Variants in ROBO1 observed in about 807,000 individuals in gnomAD.
The protein encoded by ROBO1 is roundabout guidance receptor 1, also known as roundabout homolog 1.
ROBO1 carries 149 observed loss-of-function variants against 195.9 expected under a neutral mutation model. The ratio of observed to expected loss-of-function variants is 0.76; its 90% CI spans 0.67 to 0.87. The LOEUF (loss-of-function observed/expected upper bound fraction) is 0.87. Ranked by LOEUF, ROBO1 falls within the 40% of genes least tolerant of loss-of-function variation. The pLI is 0.00. For missense variants in ROBO1, 1,933 were observed against 2,068.3 expected, an observed-to-expected ratio of 0.93 and a Z score of 1.27; for synonymous variants, 816 against 733.2, an observed-to-expected ratio of 1.11 and a Z score of -1.82.
intron 2 of ROBO1, among the ~76,000 whole-genome samples, chr3:79,568,369 G>A (rs77002932): frequency 0.022 from 3,293 of 150,906 alleles, 64 homozygotes; most frequent in Non-Finnish European, 0.034. Flanking sequence ...CTCCATATTC[G>A]AATCTTCAAA....
At chr3:78,975,371 C>A (rs1469215087) in intron 3 of ROBO1, among the ~76,000 whole-genome samples, 2 of 152,036 alleles carry the variant, frequency 1.3e-5, no homozygotes, top group African/African-American at 4.8e-5. Context: ...ACTTTGGTAA[C>A]AATTTTATCA....
rs958642337 is a variant in ROBO1, at chr3:79,146,483, AATAT to A, written c.89-20948_89-20945del. 2.6e-5 allele frequency among the ~76,000 whole-genome samples: 4 copies of A among 151,936 alleles called. No individual in the cohort carries two copies. In the South Asian group the frequency reaches 8.3e-4, roughly 32 times the overall value. On this transcript the variant is annotated intron_variant, in intron 2 of 30. Transcript: ENST00000464233. ...ATAGTGTGACAGATATAGATCATAG[AATAT>A]ATATATATCTCTAATGTGTATGTAT...
At chr3:78,848,355 G>C (rs954538201) in intron 4 of ROBO1, among the ~76,000 whole-genome samples, 2 of 152,244 alleles carry the variant, frequency 1.3e-5, no homozygotes, top group Middle Eastern at 6.8e-3. Flanking sequence ...TTTTCATTCA[G>C]TCAATCATTC....
chr3:78,641,359 A>G (rs1285824838), intron 21 of ROBO1, among the ~76,000 whole-genome samples: 1 of 152,190 alleles, frequency 6.6e-6, no homozygotes, highest in Admixed American at 6.6e-5. Flanking sequence ...AGAGTACTAA[A>G]AGTTCCTAAA....
intron 2 of ROBO1, among the ~76,000 whole-genome samples, chr3:79,246,064 T>C (rs2082619237): frequency 6.6e-6 from 1 of 152,144 alleles, no homozygotes; most frequent in Non-Finnish European, 1.5e-5. Context: ...GTCCATTCAC[T>C]GTACTCCTTT....
At chr3:78,955,225 T>C (rs1249120412) in intron 3 of ROBO1, among the ~76,000 whole-genome samples, 1 of 149,772 alleles carries the variant, frequency 6.7e-6, no homozygotes, top group South Asian at 2.1e-4. Flanking sequence ...GTCATGGGGG[T>C]TATACAGGTA....
At chr3:78,894,867 C>CT (rs2037137292) in intron 4 of ROBO1, among the ~76,000 whole-genome samples, 1 of 152,188 alleles carries the variant, frequency 6.6e-6, no homozygotes, top group Admixed American at 6.5e-5. Flanking sequence ...GAGGTCCCTG[C>CT]TAAGGCTAGA....
intron 2 of ROBO1, among the ~76,000 whole-genome samples, chr3:79,361,378 A>G (rs940556370): frequency 1.3e-5 from 2 of 152,086 alleles, no homozygotes; most frequent in African/African-American, 2.4e-5. Flanking sequence ...GAGATTTGTC[A>G]TAGGTAGCAA....
At chr3:79,567,970 T>C (rs1943144848) in intron 2 of ROBO1, among the ~76,000 whole-genome samples, 1 of 152,160 alleles carries the variant, frequency 6.6e-6, no homozygotes. Flanking sequence ...TTCTTAGATA[T>C]GTTTTCTAAA....
chr3:79,361,147 T>A (rs2035752996), intron 2 of ROBO1, among the ~76,000 whole-genome samples: 2 of 152,108 alleles, frequency 1.3e-5, no homozygotes, highest in Admixed American at 6.5e-5. Flanking sequence ...CACAGAAAGA[T>A]AAATGATAGT....
At chr3:79,639,724 T>C (rs1243158813) in intron 1 of ROBO1, among the ~76,000 whole-genome samples, 2 of 152,210 alleles carry the variant, frequency 1.3e-5, no homozygotes, top group Admixed American at 6.5e-5. Flanking sequence ...CATTCTATGA[T>C]ATTTATCAAC....
intron 2 of ROBO1, among the ~76,000 whole-genome samples, chr3:79,556,775 A>G (rs902756572): frequency 2.0e-5 from 3 of 151,958 alleles, no homozygotes; most frequent in Non-Finnish European, 4.4e-5. Flanking sequence ...CAGATTATTC[A>G]TATTTTAATG....
At chr3:79,312,682 A>C (rs2033542534) in intron 2 of ROBO1, among the ~76,000 whole-genome samples, 1 of 152,160 alleles carries the variant, frequency 6.6e-6, no homozygotes, top group Admixed American at 6.5e-5. Flanking sequence ...ATTTAGATTC[A>C]TGTTGATTCA....
At chr3:79,537,070 C>A (rs115964884) in intron 2 of ROBO1, among the ~76,000 whole-genome samples, 6,271 of 151,630 alleles carry the variant, frequency 0.041, 437 homozygotes, top group African/African-American at 0.14. Context: ...AGACATTTGC[C>A]TTAGTGGTCT....
Position 79,738,334 on chromosome 3 carries a change from CA to C in ROBO1, c.-51+29417del, listed in dbSNP as rs532528947. 1.6e-4 allele frequency among the ~76,000 whole-genome samples: 24 copies of C among 152,182 alleles called. No individual in the cohort carries two copies. The East Asian group carries it at 4.2e-3, about 27-fold the overall frequency. ...GTCTTAAAATCCAGAAGAGAAATGCCAAAATAAAATCTGAATTTTTATCTAA... is the reference window on the plus strand; with the variant it reads ...GTCTTAAAATCCAGAAGAGAAATGCCAAATAAAATCTGAATTTTTATCTAA... On this transcript the variant is annotated intron_variant, in intron 1 of 30. Transcript: ENST00000464233.
At chr3:79,025,630 T>C (rs1039858772) in intron 3 of ROBO1, among the ~76,000 whole-genome samples, 34 of 76,208 alleles carry the variant, frequency 4.5e-4, no homozygotes, top group Admixed American at 1.3e-3. Flanking sequence ...CAACCACTTA[T>C]CTACTTCAAT....
intron 26 of ROBO1, among the ~76,000 whole-genome samples, chr3:78,623,138 C>A (rs1704553885): frequency 6.6e-6 from 1 of 152,124 alleles, no homozygotes; most frequent in South Asian, 2.1e-4. Flanking sequence ...ATATCCATGT[C>A]TAAAGGGACT....
chr3:78,646,174 T>C lies in ROBO1; in HGVS notation c.2856A>G (p.Gly952=), dbSNP rs1212142091. 6.2e-7 allele frequency: 1 copy of C among 1,606,152 alleles called. No homozygotes were observed. Residue 952 remains glycine, a synonymous_variant, in exon 21 of 31, where the codon GGA becomes GGG. Transcript: ENST00000464233. ...TFTPTVTYQR[G]GEAVSSGGRP... ...TCCCTCCACTGCTGACAGCTTCGCC[T>C]CCTCTCTGGTAAGTTACTAGAATGT... is the stretch of plus-strand genomic sequence containing the variant.
intron 1 of ROBO1, among the ~76,000 whole-genome samples, chr3:79,714,497 G>A (rs897874881): frequency 1.3e-5 from 2 of 151,958 alleles, no homozygotes; most frequent in African/African-American, 2.4e-5. Context: ...TCCCATTACT[G>A]GGTATATACC....
Sources: allele counts gnomAD v4.1 joint callset (sites outside exome capture counted in the v4.1 genomes callset), GRCh38; gene constraint gnomAD v4.1.1; transcripts MANE v1.5; gene names NCBI Gene and HGNC (gene_info 2026-07-23, HGNC 2026-07-21).